Variants in RBM33 observed in about 807,000 individuals in gnomAD.
RBM33 encodes the protein RNA binding motif protein 33, also known as RNA-binding protein 33.
In RBM33, 28 loss-of-function variants were observed where a neutral mutation model predicts 132.6. That is an observed-to-expected ratio of 0.21 (90% confidence interval 0.16 to 0.29). The LOEUF (loss-of-function observed/expected upper bound fraction) is 0.29, where lower values mean the gene tolerates loss of function less well. Among genes scored for constraint, RBM33 ranks in the 10% least tolerant of loss-of-function variants. The probability of loss-of-function intolerance (pLI) is 1.00; values close to 1 mark genes in which losing one functional copy is unlikely to be tolerated. For synonymous variants in RBM33, 634 were observed against 593.0 expected, an observed-to-expected ratio of 1.07 and a Z score of -1.01; for missense variants, 1,291 against 1,518.5, an observed-to-expected ratio of 0.85 and a Z score of 2.49.
intron 6 of RBM33, 34 bp downstream of exon 6, chr7:155,700,978 C>T (rs904707994): frequency 1.9e-6 from 3 of 1,541,212 alleles, no homozygotes; most frequent in East Asian, 2.3e-5. Context: ...TCCTCCTTTA[C>T]TCTCATTTCA....
rs1044567629 is a variant in RBM33 at position 155,763,809 on chromosome 7, C to A, written c.2980-3C>A. 1.9e-6 allele frequency: 3 copies of A among 1,607,334 alleles called. No individual in the cohort carries two copies. The highest frequency in any genetic ancestry group is 1.3e-5 in the African/African-American group (1 of 74,842). ...CAACGTGCTGCCTTCTTGGTTTCAG[C>A]AGGGAGGAGAGAGCGATGGCTTTTT... On this transcript the variant is annotated splice_region_variant and splice_polypyrimidine_tract_variant and intron_variant, in intron 14 of 17. Transcript: ENST00000401878.
intron 14 of RBM33, among the ~76,000 whole-genome samples, chr7:155,759,566 C>T (rs550947653): frequency 9.2e-5 from 14 of 151,914 alleles, no homozygotes; most frequent in African/African-American, 2.7e-4. Flanking sequence ...TACAGGCGCC[C>T]GCCACCGCGC....
chr7:155,764,055 C>A, intron 15 of RBM33, 37 bp downstream of exon 15: 1 of 1,460,880 alleles, frequency 6.8e-7, no homozygotes, highest in Non-Finnish European at 9.1e-7. Flanking sequence ...CCTGGAAACG[C>A]GAAGGCCGGT....
chr7:155,681,959 C>T (rs1366204184), intron 5 of RBM33, among the ~76,000 whole-genome samples: 2 of 150,572 alleles, frequency 1.3e-5, no homozygotes, highest in East Asian at 3.9e-4. Flanking sequence ...CTTGGTTTGT[C>T]GCCCAGGCTG....
intron 14 of RBM33, among the ~76,000 whole-genome samples, chr7:155,751,516 G>A (rs1801685578): frequency 6.6e-6 from 1 of 152,160 alleles, no homozygotes; most frequent in Non-Finnish European, 1.5e-5. Flanking sequence ...TATTCATAGT[G>A]TCCCCTAAAT....
At position 155,741,989 on chromosome 7, in the gene RBM33, G is replaced by C. The variant is rs762968456; in HGVS notation, c.2220G>C (p.Ala740=). 1 of 1,613,822 alleles carries C rather than the reference G, an allele frequency of 6.2e-7. No homozygotes were observed. The highest frequency in any genetic ancestry group is 1.3e-5 in the African/African-American group (1 of 74,900). ...PSAQVKPIVS[A]SPPSRAVAGS... is the part of the protein sequence containing the mutation. ...CACAAGTGAAACCTATCGTCAGCGC[G>C]TCACCACCCTCGCGGGCCGTGGCGG... The change falls in exon 13 of 18, where the codon GCG becomes GCC. Residue 740 remains alanine, a synonymous_variant. Coordinates refer to ENST00000401878, the MANE Select transcript of RBM33 (RefSeq NM_053043.3).
intron 14 of RBM33, among the ~76,000 whole-genome samples, chr7:155,761,637 T>C (rs1216071232): frequency 2.0e-5 from 3 of 152,328 alleles, no homozygotes; most frequent in African/African-American, 7.2e-5. Context: ...TCCCTCTTTG[T>C]TTCCTTATTT....
intron 10 of RBM33, 51 bp from the exon 11 acceptor site, chr7:155,738,009 A>T: frequency 6.7e-7 from 1 of 1,486,150 alleles, no homozygotes; most frequent in Non-Finnish European, 9.3e-7. Context: ...CTTTTCTGAG[A>T]AGCACATGGT....
chr7:155,679,452 C>A (rs1010080028), intron 4 of RBM33, among the ~76,000 whole-genome samples: 2 of 151,880 alleles, frequency 1.3e-5, no homozygotes, highest in Non-Finnish European at 2.9e-5. Context: ...TTGACTGATA[C>A]GATGAATGTC....
intron 9 of RBM33, among the ~76,000 whole-genome samples, chr7:155,721,590 G>A (rs1800629038): frequency 6.6e-6 from 1 of 152,066 alleles, no homozygotes; most frequent in Non-Finnish European, 1.5e-5. Context: ...TTTAAAGGCT[G>A]TATGATACAT....
chr7:155,761,704 T>G (rs1295225095), intron 14 of RBM33, among the ~76,000 whole-genome samples: 1 of 152,200 alleles, frequency 6.6e-6, no homozygotes, highest in Non-Finnish European at 1.5e-5. Context: ...GAGCATCAAT[T>G]TTTTGCTGAT....
At chr7:155,720,195 G>A (rs978506175) in intron 9 of RBM33, among the ~76,000 whole-genome samples, 8 of 152,192 alleles carry the variant, frequency 5.3e-5, no homozygotes, top group African/African-American at 1.9e-4. Flanking sequence ...GGCTAGAAAT[G>A]AGCTGTGTAT....
chr7:155,764,200 CCT>C (rs1403272600), intron 15 of RBM33, among the ~76,000 whole-genome samples, 182 bp downstream of exon 15: 1 of 152,196 alleles, frequency 6.6e-6, no homozygotes, highest in Non-Finnish European at 1.5e-5. Flanking sequence ...CTTTTCCTCT[CCT>C]GACTTATTTC....
intron 9 of RBM33, among the ~76,000 whole-genome samples, chr7:155,728,812 T>C (rs1164956549): frequency 6.6e-6 from 1 of 152,204 alleles, no homozygotes; most frequent in African/African-American, 2.4e-5. Flanking sequence ...GAATTCACAG[T>C]GTGCTCTGCA....
intron 13 of RBM33, among the ~76,000 whole-genome samples, chr7:155,742,809 C>T (rs1801393193): frequency 6.6e-6 from 1 of 152,206 alleles, no homozygotes; most frequent in African/African-American, 2.4e-5. Flanking sequence ...GCCGTCTTCT[C>T]CCACAAGCCT....
chr7:155,725,753 G>T (rs1459340116), intron 9 of RBM33, among the ~76,000 whole-genome samples: 1 of 152,132 alleles, frequency 6.6e-6, no homozygotes, highest in Non-Finnish European at 1.5e-5. Flanking sequence ...TTTGTAGTGG[G>T]TGCTCTTGTT....
At position 155,711,357 on chromosome 7, in the gene RBM33, C is replaced by T. The variant is rs1005372353; in HGVS notation, c.1103C>T (p.Pro368Leu). The T allele has an allele frequency of 1.3e-6, 2 of 1,597,972 alleles. No homozygotes were observed. The highest frequency in any genetic ancestry group is 2.2e-5 in the South Asian group (2 of 89,112). Reference sequence around the variant, plus strand: ...CACATGCCTCCCCAGCTAGAGACCCCAAGGATGATGATGACCCCGCCACCC... The same window carrying T: ...CACATGCCTCCCCAGCTAGAGACCCTAAGGATGATGATGACCCCGCCACCC... ...GMHMPPQLET[P>L]RMMMTPPPVT... Residue 368 changes from proline (P) to leucine (L), a missense_variant, in exon 8 of 18, where the codon CCA (proline) becomes CTA (leucine). Physicochemically the swap from Pro to Leu is moderately conservative, Grantham distance 98 (BLOSUM62 -3). Transcript: ENST00000401878.
At chr7:155,699,946 T>C (rs1293059534) in intron 5 of RBM33, among the ~76,000 whole-genome samples, 2 of 152,196 alleles carry the variant, frequency 1.3e-5, no homozygotes, top group African/African-American at 4.8e-5. Flanking sequence ...CCTTGCTCTC[T>C]GTAGGTACTT....
chr7:155,750,220 T>A (rs1025031458), intron 14 of RBM33, among the ~76,000 whole-genome samples: 3 of 152,242 alleles, frequency 2.0e-5, no homozygotes, highest in Non-Finnish European at 2.9e-5. Context: ...TTTGCCCATT[T>A]CTCAGAAAGC....
Sources: allele counts gnomAD v4.1 joint callset (sites outside exome capture counted in the v4.1 genomes callset), GRCh38; gene constraint gnomAD v4.1.1; transcripts MANE v1.5; gene names NCBI Gene and HGNC (gene_info 2026-07-23, HGNC 2026-07-21).